DCHS2: variants seen among roughly 807,000 people sequenced by gnomAD.
DCHS2 encodes the protein protocadherin-23.
In DCHS2, 142 loss-of-function variants were observed where a neutral mutation model predicts 182.4. The ratio of observed to expected loss-of-function variants is 0.78; its 90% confidence interval spans 0.68 to 0.89. The LOEUF is 0.89. DCHS2 is among the 40% of genes least tolerant of loss of function. DCHS2 has a pLI of 0.00. For synonymous variants in DCHS2, 1,740 were observed against 1,663.3 expected, an observed-to-expected ratio of 1.05 and a Z score of -1.12; for missense variants, 4,319 against 4,198.6, an observed-to-expected ratio of 1.03 and a Z score of -0.79.
chr4:154,358,875 A>G (rs1205414958), intron 3 of DCHS2, among the ~76,000 whole-genome samples: 1 of 151,774 alleles, frequency 6.6e-6, no homozygotes, highest in East Asian at 1.9e-4. Flanking sequence ...TGTAACTCCC[A>G]TATTTGTTAT....
intron 1 of DCHS2, among the ~76,000 whole-genome samples, chr4:154,478,690 T>C (rs759665549): frequency 6.6e-6 from 1 of 152,134 alleles, no homozygotes; most frequent in Non-Finnish European, 1.5e-5. Flanking sequence ...ACATAAACTA[T>C]GCCCAAATTT....
intron 12 of DCHS2, among the ~76,000 whole-genome samples, chr4:154,301,256 A>C (rs1445773471): frequency 6.6e-6 from 1 of 152,242 alleles, no homozygotes; most frequent in Non-Finnish European, 1.5e-5. Context: ...TGTCTCTGCT[A>C]TCAACCAAAT....
intron 1 of DCHS2, among the ~76,000 whole-genome samples, chr4:154,382,516 C>T (rs751770782): frequency 2.0e-4 from 31 of 152,126 alleles, no homozygotes; most frequent in Non-Finnish European, 3.8e-4. Context: ...AACTAAAGAG[C>T]TTCTGCACAG....
chr4:154,384,587 A>G, intron 1 of DCHS2: 2 of 1,470,074 alleles, frequency 1.4e-6, no homozygotes, highest in African/African-American at 2.9e-5. Flanking sequence ...ATGGCAACAG[A>G]CATGATTAAG....
intron 1 of DCHS2, among the ~76,000 whole-genome samples, chr4:154,435,970 A>G (rs1490972035): frequency 2.6e-5 from 4 of 152,226 alleles, no homozygotes; most frequent in Admixed American, 2.0e-4. Context: ...ATAATCATAT[A>G]TAACATCGTG....
intron 13 of DCHS2, among the ~76,000 whole-genome samples, chr4:154,282,140 A>T (rs1456329336): frequency 6.6e-6 from 1 of 152,128 alleles, no homozygotes; most frequent in African/African-American, 2.4e-5. Context: ...TGGATATAAG[A>T]CCAAAAGCAT....
chr4:154,482,941 A>G (rs1735977431), intron 1 of DCHS2, among the ~76,000 whole-genome samples: 1 of 152,240 alleles, frequency 6.6e-6, no homozygotes, highest in African/African-American at 2.4e-5. Context: ...CTTAAAGCGA[A>G]TGAGGTTGTG....
At chr4:154,382,077 G>A (rs760492404) in intron 1 of DCHS2, among the ~76,000 whole-genome samples, 12 of 151,946 alleles carry the variant, frequency 7.9e-5, no homozygotes, top group Non-Finnish European at 1.8e-4. Context: ...GTACTGGTAC[G>A]AAAACAGAAA....
rs78100877 is a variant in DCHS2, at chr4:154,325,036, G to A, written c.4019-2548C>T. Among the ~76,000 whole-genome samples, 39 of 152,008 alleles carry A rather than the reference G, an allele frequency of 2.6e-4. No individual in the cohort carries two copies. The East Asian group carries it at 3.7e-3, about 14-fold the overall frequency. On this transcript the variant is annotated intron_variant, in intron 7 of 19. Transcript: ENST00000357232. ...GACATGCCTCAATTATCATTTAAAA[G>A]CTAATTTATAAAAAAAGAATATTTC...
intron 1 of DCHS2, among the ~76,000 whole-genome samples, chr4:154,455,720 A>AGGTATT (rs1046431660): frequency 2.3e-4 from 35 of 152,336 alleles, no homozygotes; most frequent in African/African-American, 8.2e-4. Flanking sequence ...TATTTCAAAA[A>AGGTATT]GGTATTCATA....
intron 2 of DCHS2, among the ~76,000 whole-genome samples, chr4:154,376,546 G>C (rs1456074067): frequency 2.0e-5 from 3 of 152,124 alleles, no homozygotes. Flanking sequence ...TAGTTGTTGT[G>C]AGAACATTTT....
At chr4:154,286,687 A>G (rs1734416213) in intron 13 of DCHS2, among the ~76,000 whole-genome samples, 1 of 152,104 alleles carries the variant, frequency 6.6e-6, no homozygotes, top group Non-Finnish European at 1.5e-5. Context: ...AGGATGAAAA[A>G]GAAGAAAGCA....
Position 154,234,975 on chromosome 4 carries a change from T to A in DCHS2, c.9677A>T (p.His3226Leu), listed in dbSNP as rs768588221. The A allele has an allele frequency of 6.2e-7, 1 of 1,614,088 alleles. No individual in the cohort carries two copies. The highest frequency in any genetic ancestry group is 8.5e-7 in the Non-Finnish European group (1 of 1,179,970). ...CCAGTGATAGTTGTCTTTTCCATCA[T>A]GATCAGAGGTCGTCTGAGTTGAAAG... ...AALSTQTTSD[H>L]DGKDNYHWNY... Residue 3226 changes from histidine (H) to leucine (L), a missense_variant, in exon 20 of 20, where the codon CAT (histidine) becomes CTT (leucine). His to Leu is a moderately conservative substitution (Grantham distance 99, BLOSUM62 -3). Transcript: ENST00000357232.
chr4:154,362,263 G>A (rs372892148), intron 3 of DCHS2, among the ~76,000 whole-genome samples: 2 of 152,126 alleles, frequency 1.3e-5, no homozygotes, highest in African/African-American at 4.8e-5. Context: ...AAAGTCTAGG[G>A]AGAGTTTTGA....
Position 154,320,634 on chromosome 4 carries a change from C to G in DCHS2, c.4765G>C (p.Ala1589Pro). ...SIPTVILTVT[A>P]SDQAVNVTDR... ...GTCACATTCACAGCCTGATCAGATG[C>G]TGTTACTGTCAGGATGACAGTTGGA... is the stretch of plus-strand genomic sequence containing the variant. The change falls in exon 9 of 20, where the codon GCA (alanine) becomes CCA (proline). Residue 1589 changes from alanine to proline, a missense_variant. Physicochemically the swap from Ala to Pro is conservative, Grantham distance 27. Coordinates refer to ENST00000357232, the MANE Select transcript of DCHS2 (RefSeq NM_001358235.2). 6.2e-7 allele frequency: 1 copy of G among 1,614,154 alleles called. No homozygotes were observed. Among genetic ancestry groups the G allele is most frequent in the Non-Finnish European group, 8.5e-7 (1 of 1,180,030 alleles).
intron 1 of DCHS2, among the ~76,000 whole-genome samples, chr4:154,460,240 A>G (rs115950104): frequency 5.8e-4 from 89 of 152,352 alleles, no homozygotes; most frequent in Non-Finnish European, 8.4e-4. Context: ...TGTAAATGCT[A>G]AGTGTTATTT....
chr4:154,485,756 T>C (rs1380034865), intron 1 of DCHS2, among the ~76,000 whole-genome samples: 1 of 152,224 alleles, frequency 6.6e-6, no homozygotes, highest in Non-Finnish European at 1.5e-5. Flanking sequence ...TATGAAAGAA[T>C]ACTCTTCATG....
intron 9 of DCHS2, among the ~76,000 whole-genome samples, chr4:154,316,760 G>A (rs1735869843): frequency 6.6e-6 from 1 of 151,998 alleles, no homozygotes; most frequent in African/African-American, 2.4e-5. Context: ...CTCTAGCCTG[G>A]GCAACAGAGC....
chr4:154,432,062 A>G (rs1311335193), intron 1 of DCHS2, among the ~76,000 whole-genome samples: 4 of 152,236 alleles, frequency 2.6e-5, no homozygotes, highest in Admixed American at 6.5e-5. Flanking sequence ...AGTTAATACA[A>G]CCACCCTTAC....
Sources: gnomAD v4.1 joint callset for allele counts (sites outside exome capture counted in the v4.1 genomes callset) on GRCh38, gnomAD v4.1.1 for gene constraint, MANE v1.5 for transcripts, NCBI Gene and HGNC (gene_info 2026-07-23, HGNC 2026-07-21) for gene names.